PCGF5: variants seen among roughly 807,000 people sequenced by gnomAD.
PCGF5 encodes the protein polycomb group ring finger 5.
A neutral mutation model predicts 44.3 loss-of-function variants in PCGF5; 9 were observed. The observed-to-expected ratio is 0.20, with a 90% confidence interval of 0.12 to 0.35. PCGF5 has a LOEUF of 0.35. PCGF5 is among the 10% of genes least tolerant of loss of function. PCGF5 has a pLI of 1.00. For missense variants in PCGF5, 146 were observed against 305.3 expected (o/e 0.48, Z 3.89); for synonymous variants, 95 against 102.5 (o/e 0.93, Z 0.44).
At chr10:91,215,214 C>T (rs1844520626), upstream of PCGF5, among the ~76,000 whole-genome samples, 1 of 152,176 alleles carries the variant, frequency 6.6e-6, no homozygotes, top group Admixed American at 6.5e-5. Context: ...AATTACTCCT[C>T]TTCCTTGGAT....
chr10:91,233,895 C>T (rs1845079332), intron 2 of PCGF5, among the ~76,000 whole-genome samples: 1 of 152,206 alleles, frequency 6.6e-6, no homozygotes, highest in South Asian at 2.1e-4. Context: ...CAAAGGAAGT[C>T]AGCCTTTGGT....
At chr10:91,164,641 C>T (rs76107431) in intron 1 of PCGF5, among the ~76,000 whole-genome samples, 2,485 of 152,310 alleles carry the variant, frequency 0.016, 66 homozygotes, top group African/African-American at 0.057. Context: ...GGTTGCCATT[C>T]ATGAATACAG....
At chr10:91,216,326 G>T (rs577905924), upstream of PCGF5, among the ~76,000 whole-genome samples, 18 of 152,194 alleles carry the variant, frequency 1.2e-4, no homozygotes, top group Non-Finnish European at 2.9e-5. Flanking sequence ...AGCAGAGGTG[G>T]GGAAGGGTGA....
At chr10:91,207,207 C>T (rs1395422405) in intron 1 of PCGF5, among the ~76,000 whole-genome samples, 1 of 152,168 alleles carries the variant, frequency 6.6e-6, no homozygotes, top group African/African-American at 2.4e-5. Context: ...TTTAAGACCA[C>T]TTTGGTGAGG....
chr10:91,260,047 A>C (rs555525992), intron 6 of PCGF5, among the ~76,000 whole-genome samples: 174 of 152,080 alleles, frequency 1.1e-3, no homozygotes, highest in African/African-American at 4.0e-3. Context: ...AATGGGAGAA[A>C]ATTTTTGCAA....
At chr10:91,205,039 A>T (rs527477270) in intron 1 of PCGF5, among the ~76,000 whole-genome samples, 17 of 152,216 alleles carry the variant, frequency 1.1e-4, no homozygotes, top group Non-Finnish European at 2.4e-4. Flanking sequence ...TTAAAATTTT[A>T]TGAGTAAACT....
At chr10:91,206,772 C>T (rs1313158993) in intron 1 of PCGF5, among the ~76,000 whole-genome samples, 1 of 152,126 alleles carries the variant, frequency 6.6e-6, no homozygotes, top group East Asian at 1.9e-4. Flanking sequence ...GCCTCCATGC[C>T]TTTGCCTTAC....
chr10:91,191,572 A>G (rs1844034117), intron 1 of PCGF5, among the ~76,000 whole-genome samples: 1 of 152,234 alleles, frequency 6.6e-6, no homozygotes, highest in African/African-American at 2.4e-5. Context: ...TCCTACTAAC[A>G]TGTAGGTAAT....
At chr10:91,177,675 G>A (rs28398010) in intron 1 of PCGF5, among the ~76,000 whole-genome samples, 6,467 of 152,272 alleles carry the variant, frequency 0.042, 414 homozygotes, top group African/African-American at 0.14. Flanking sequence ...AGCAATGAGC[G>A]AGGCTCCATA....
chr10:91,264,571 T>C, intron 8 of PCGF5, 51 bp downstream of exon 8: 2 of 1,342,970 alleles, frequency 1.5e-6, no homozygotes, highest in Non-Finnish European at 2.1e-6. Flanking sequence ...TATACCATTA[T>C]GTTACTCAAA....
chr10:91,165,829 C>T (rs544058817), intron 1 of PCGF5, among the ~76,000 whole-genome samples: 1 of 152,094 alleles, frequency 6.6e-6, no homozygotes, highest in African/African-American at 2.4e-5. Context: ...AGAGGATAAA[C>T]TTTGATAAAG....
At position 91,248,490 on chromosome 10, in the gene PCGF5, T is replaced by TC. The variant is rs1447488399; in HGVS notation, c.210-9dup. The TC allele has an allele frequency of 1.2e-5, 19 of 1,605,224 alleles. No individual in the cohort carries two copies. The highest frequency in any genetic ancestry group is 1.4e-5 in the Non-Finnish European group (17 of 1,172,640). On this transcript the variant is annotated splice_polypyrimidine_tract_variant and intron_variant, in intron 3 of 9. Coordinates refer to ENST00000336126, the MANE Select transcript of PCGF5 (RefSeq NM_032373.5). The stretch of plus-strand genomic sequence containing the variant: ...GTCTTCATTGTTAGTATTTTCTTTC[T>TC]CCCCCCTTTCGAAGGTTGGACAATA...
intron 1 of PCGF5, among the ~76,000 whole-genome samples, chr10:91,203,716 A>G (rs1223677311): frequency 1.3e-5 from 2 of 152,288 alleles, no homozygotes; most frequent in Admixed American, 6.5e-5. Flanking sequence ...TTTCTTTCCT[A>G]TTGTTTTCTC....
Position 91,274,771 on chromosome 10 carries a change from C to A in PCGF5, c.723+3074C>A, listed in dbSNP as rs1019196853. Among the ~76,000 whole-genome samples, 17 of 152,194 alleles carry A rather than the reference C, an allele frequency of 1.1e-4. No homozygotes were observed. The East Asian group carries it at 1.9e-3, about 17-fold the overall frequency. ...GAATATCTGAGGTAGAGCACTGAAG[C>A]CTGAGGCAACACACTGCAAAGGCCC... is the stretch of plus-strand genomic sequence containing the variant. On this transcript the variant is annotated intron_variant, in intron 9 of 9. Transcript: ENST00000336126.
intron 2 of PCGF5, among the ~76,000 whole-genome samples, chr10:91,229,740 GA>G (rs901003842): frequency 2.6e-5 from 4 of 151,564 alleles, no homozygotes; most frequent in Admixed American, 2.6e-4. Context: ...CCATTTTAAT[GA>G]AAAAAAGATA....
chr10:91,219,244 C>A (rs1210306951), upstream of PCGF5, among the ~76,000 whole-genome samples: 3 of 152,164 alleles, frequency 2.0e-5, no homozygotes, highest in Admixed American at 6.5e-5. Context: ...ATCCTAAAAC[C>A]CGCCTTCAAG....
At chr10:91,270,286 C>T (rs889338769) in intron 8 of PCGF5, among the ~76,000 whole-genome samples, 1 of 151,974 alleles carries the variant, frequency 6.6e-6, no homozygotes, top group African/African-American at 2.4e-5. Flanking sequence ...AAAGTTACTA[C>T]ACCATGCTTG....
chr10:91,204,194 T>G (rs2133239338), intron 1 of PCGF5, among the ~76,000 whole-genome samples: 1 of 152,312 alleles, frequency 6.6e-6, no homozygotes, highest in East Asian at 1.9e-4. Context: ...TCTTTACTCC[T>G]CATAAAATAT....
intron 2 of PCGF5, among the ~76,000 whole-genome samples, chr10:91,226,044 T>C (rs962962225): frequency 2.0e-5 from 3 of 152,096 alleles, no homozygotes; most frequent in African/African-American, 7.2e-5. Flanking sequence ...CTTAGGCATA[T>C]ACAAAGAGTA....
Sources: allele counts gnomAD v4.1 joint callset (sites outside exome capture counted in the v4.1 genomes callset), GRCh38; gene constraint gnomAD v4.1.1; transcripts MANE v1.5; gene names NCBI Gene and HGNC (gene_info 2026-07-23, HGNC 2026-07-21).